SMOC2: variants seen among roughly 807,000 people sequenced by gnomAD.
The protein encoded by SMOC2 is SPARC-related modular calcium-binding protein 2.
SMOC2 carries 39 observed loss-of-function variants against 61.4 expected under a neutral mutation model. That is an observed-to-expected ratio of 0.64 (90% CI 0.49 to 0.83). SMOC2 has a LOEUF of 0.83. Ranked by LOEUF, SMOC2 falls within the 40% of genes least tolerant of loss-of-function variation. The probability of loss-of-function intolerance (pLI) is 0.00; values close to 1 mark genes in which losing one functional copy is unlikely to be tolerated. For synonymous variants in SMOC2, 247 were observed against 239.9 expected (o/e 1.03, Z -0.27); for missense variants, 556 against 592.9 (o/e 0.94, Z 0.65).
intron 2 of SMOC2, among the ~76,000 whole-genome samples, chr6:168,519,523 C>G (rs1301506329): frequency 1.3e-5 from 2 of 152,158 alleles, no homozygotes; most frequent in Non-Finnish European, 2.9e-5. Flanking sequence ...GTAGACATAA[C>G]AGGAGATTCA....
intron 8 of SMOC2, among the ~76,000 whole-genome samples, chr6:168,599,979 A>T (rs1465806805): frequency 6.6e-6 from 1 of 150,908 alleles, no homozygotes; most frequent in Admixed American, 6.6e-5. Flanking sequence ...TACTCTCCCC[A>T]CACACACACT....
intron 7 of SMOC2, among the ~76,000 whole-genome samples, chr6:168,591,318 G>A (rs545824687): frequency 2.6e-5 from 4 of 152,236 alleles, no homozygotes; most frequent in East Asian, 1.9e-4. Context: ...GGCAATGCTC[G>A]TGGAACTAGA....
At position 168,453,215 on chromosome 6, in the gene SMOC2, G is replaced by A. The variant is rs1390569009; in HGVS notation, c.84+11761G>A. ...GGTGGCCTGACAAATGCGGGCGGGG[G>A]TGGGGGAGGAACTCGGGACCCAGGG... On this transcript the variant is annotated intron_variant, in intron 1 of 12. Coordinates refer to ENST00000356284, the MANE Select transcript of SMOC2 (RefSeq NM_001166412.2). The surrounding 1 kb of genome is among the most constrained non-coding windows in gnomAD (Gnocchi z 4.4). 1.3e-5 allele frequency among the ~76,000 whole-genome samples: 2 copies of A among 151,904 alleles called. No individual in the cohort carries two copies. Among genetic ancestry groups the A allele is most frequent in the Non-Finnish European group, 2.9e-5 (2 of 67,956 alleles).
chr6:168,513,481 AC>A (rs1783057968), intron 2 of SMOC2, among the ~76,000 whole-genome samples: 1 of 5,384 alleles, frequency 1.9e-4, no homozygotes, highest in African/African-American at 2.9e-4. Flanking sequence ...ACACACACAT[AC>A]ATACACACAC....
chr6:168,563,564 C>A (rs564039170), intron 7 of SMOC2, among the ~76,000 whole-genome samples: 2 of 152,224 alleles, frequency 1.3e-5, no homozygotes, highest in African/African-American at 4.8e-5. Context: ...AAATCCTCAC[C>A]CCCAGGGTGA....
chr6:168,609,244 G>C (rs4708761), intron 9 of SMOC2, among the ~76,000 whole-genome samples: 135,287 of 152,228 alleles, frequency 0.89, 60,249 homozygotes, highest in Middle Eastern at 0.98. Flanking sequence ...AGCTCACTGG[G>C]CTGGCTTGTT....
chr6:168,540,870 C>T (rs1783862631), intron 4 of SMOC2, among the ~76,000 whole-genome samples: 2 of 152,170 alleles, frequency 1.3e-5, no homozygotes, highest in Non-Finnish European at 2.9e-5. Context: ...GGAGGACTCC[C>T]TGCAGGGAGC....
intron 1 of SMOC2, among the ~76,000 whole-genome samples, chr6:168,451,033 G>A (rs549049501): frequency 8.5e-5 from 13 of 152,188 alleles, no homozygotes; most frequent in South Asian, 6.2e-4. Flanking sequence ...GTTTCTTCCC[G>A]TGAATGGGTT....
At chr6:168,474,715 T>TA (rs1782041626) in intron 1 of SMOC2, among the ~76,000 whole-genome samples, 1 of 152,150 alleles carries the variant, frequency 6.6e-6, no homozygotes, top group Non-Finnish European at 1.5e-5. Flanking sequence ...GCATCGTTGA[T>TA]ACACACGGTA....
intron 9 of SMOC2, among the ~76,000 whole-genome samples, chr6:168,614,020 C>T (rs1785973115): frequency 1.1e-5 from 1 of 93,130 alleles, no homozygotes; most frequent in Non-Finnish European, 2.2e-5. Context: ...CACCTACAGC[C>T]AGCACAGGGG....
chr6:168,457,510 CTGTT>C (rs1184667140), intron 1 of SMOC2, among the ~76,000 whole-genome samples: 9 of 152,216 alleles, frequency 5.9e-5, no homozygotes, highest in Admixed American at 2.6e-4. Flanking sequence ...CCTGGAGTCA[CTGTT>C]TGTAAATACA....
intron 1 of SMOC2, among the ~76,000 whole-genome samples, chr6:168,442,071 C>T (rs891060511): frequency 1.3e-5 from 2 of 152,232 alleles, no homozygotes; most frequent in Admixed American, 6.5e-5. Flanking sequence ...TCCCAGAGAC[C>T]CTCGTAAGTG....
intron 9 of SMOC2, among the ~76,000 whole-genome samples, chr6:168,628,970 G>A (rs959924773): frequency 1.3e-5 from 2 of 152,256 alleles, no homozygotes; most frequent in African/African-American, 4.8e-5. Flanking sequence ...CGGGACATGG[G>A]CTGCGCAGGG....
intron 12 of SMOC2, among the ~76,000 whole-genome samples, chr6:168,666,085 A>C (rs1787654901): frequency 6.6e-6 from 1 of 152,206 alleles, no homozygotes; most frequent in Non-Finnish European, 1.5e-5. Context: ...AATTTGAAGC[A>C]TAAGTTATAT....
rs144305505 is a variant in SMOC2, at chr6:168,456,872, G to A, written c.84+15418G>A. ...GCTCCATGTGGGCAACGGGTGGGTC[G>A]TCATGTCCACCGAGGTGAATGAGTT... On this transcript the variant is annotated intron_variant, in intron 1 of 12. Transcript: ENST00000356284. Among the ~76,000 whole-genome samples the A allele has an allele frequency of 6.7e-4, 102 of 152,284 alleles. 1 individual carries two copies. Among genetic ancestry groups the A allele is most frequent in the African/African-American group, 2.2e-3 (90 of 41,550 alleles).
At chr6:168,449,236 C>T (rs1011497549) in intron 1 of SMOC2, among the ~76,000 whole-genome samples, 2 of 152,052 alleles carry the variant, frequency 1.3e-5, no homozygotes, top group African/African-American at 4.8e-5. Flanking sequence ...TTTCTTATAA[C>T]GTTGAGAAAA....
At chr6:168,573,610 C>T (rs1192277792) in intron 7 of SMOC2, among the ~76,000 whole-genome samples, 1 of 152,092 alleles carries the variant, frequency 6.6e-6, no homozygotes, top group Non-Finnish European at 1.5e-5. Context: ...CGAGCGCCTG[C>T]GACAGGGCAG....
chr6:168,540,079 G>C (rs149583489), intron 4 of SMOC2, among the ~76,000 whole-genome samples: 1 of 152,204 alleles, frequency 6.6e-6, no homozygotes, highest in South Asian at 2.1e-4. Context: ...CTGTGTACAC[G>C]GTTGCAATAG....
intron 7 of SMOC2, among the ~76,000 whole-genome samples, chr6:168,595,902 A>G (rs975453720): frequency 6.6e-6 from 1 of 152,270 alleles, no homozygotes; most frequent in African/African-American, 2.4e-5. Context: ...TAGATGCAGT[A>G]TGTTCCTGGA....
Sources: allele counts gnomAD v4.1 joint callset (sites outside exome capture counted in the v4.1 genomes callset), GRCh38; gene constraint gnomAD v4.1.1; non-coding constraint Gnocchi (gnomAD v3.1); transcripts MANE v1.5; gene names NCBI Gene and HGNC (gene_info 2026-07-23, HGNC 2026-07-21).